The following RIMS2 variants were observed in gnomAD, a reference collection of about 807,000 sequenced individuals.
The protein encoded by RIMS2 is regulating synaptic membrane exocytosis 2.
In RIMS2, 59 loss-of-function variants were observed where a neutral mutation model predicts 174.4. That is an observed-to-expected ratio of 0.34 (90% CI 0.27 to 0.42). The LOEUF is 0.42. RIMS2 is among the 10% of genes least tolerant of loss of function. RIMS2 has a pLI of 1.00. For missense variants in RIMS2, 1,620 were observed against 1,666.3 expected (o/e 0.97, Z 0.48); for synonymous variants, 606 against 572.5 (o/e 1.06, Z -0.84).
intron 19 of RIMS2, among the ~76,000 whole-genome samples, chr8:104,022,596 G>T (rs1420518973): frequency 1.3e-5 from 2 of 151,958 alleles, no homozygotes; most frequent in Admixed American, 6.6e-5. Flanking sequence ...GGCCAGGCTG[G>T]TCTCAAACTC....
intron 19 of RIMS2, among the ~76,000 whole-genome samples, chr8:104,191,116 C>T (rs768147614): frequency 2.6e-5 from 4 of 151,894 alleles, no homozygotes; most frequent in Non-Finnish European, 4.4e-5. Flanking sequence ...GATCTAGTTT[C>T]TCTTATTTCC....
intron 19 of RIMS2, among the ~76,000 whole-genome samples, chr8:104,166,052 T>G (rs944701359): frequency 7.0e-6 from 1 of 143,334 alleles, no homozygotes; most frequent in Non-Finnish European, 1.5e-5. Flanking sequence ...AGTGGTATTT[T>G]GGATTTCTTT....
At chr8:103,858,732 T>C (rs1444929570) in intron 3 of RIMS2, among the ~76,000 whole-genome samples, 4 of 145,234 alleles carry the variant, frequency 2.8e-5, no homozygotes, top group East Asian at 2.0e-4. Context: ...TACATACCTA[T>C]ACACACACAC....
intron 2 of RIMS2, among the ~76,000 whole-genome samples, chr8:103,727,365 T>C (rs2097538815): frequency 6.6e-6 from 1 of 152,216 alleles, no homozygotes; most frequent in African/African-American, 2.4e-5. Context: ...TTGTTATATT[T>C]CAAATTTTAC....
At chr8:104,001,099 T>C (rs1043974742) in intron 17 of RIMS2, among the ~76,000 whole-genome samples, 1 of 151,874 alleles carries the variant, frequency 6.6e-6, no homozygotes, top group Non-Finnish European at 1.5e-5. Flanking sequence ...TTTGCTTTGG[T>C]TGCCTGTGTT....
chr8:103,564,291 A>C (rs754415110), intron 1 of RIMS2, among the ~76,000 whole-genome samples: 21 of 152,234 alleles, frequency 1.4e-4, no homozygotes, highest in Non-Finnish European at 1.9e-4. Context: ...GTCTTCTTCA[A>C]AGTAGTCACT....
In RIMS2 at chr8:103,501,081, A is replaced by G. The variant is rs751761589; in HGVS notation, c.176+19A>G. Reference sequence around the variant, plus strand: ...TGCTCAAGTAAGGACCTGGCTCCATATTCCCGCCTCTCTCCCTGCCCTCCG... The same window carrying G: ...TGCTCAAGTAAGGACCTGGCTCCATGTTCCCGCCTCTCTCCCTGCCCTCCG... On this transcript the variant is annotated intron_variant, in intron 1 of 23. Transcript: ENST00000504942. 3 of 1,514,010 alleles carry G rather than the reference A, an allele frequency of 2.0e-6. No individual in the cohort carries two copies. Among genetic ancestry groups the G allele is most frequent in the Non-Finnish European group, 2.7e-6 (3 of 1,126,046 alleles). The allele number at this position is 1,514,010 out of a possible 1,614,324, so 93.8% of individuals were successfully genotyped here.
At chr8:103,551,452 AAAT>A (rs1468292495) in intron 1 of RIMS2, among the ~76,000 whole-genome samples, 1 of 152,176 alleles carries the variant, frequency 6.6e-6, no homozygotes, top group Admixed American at 6.5e-5. Context: ...ATGTATCTCA[AAAT>A]AATAAGAGCT....
chr8:104,251,643 T>C, exon 24 of RIMS2: 1 of 1,611,374 alleles, frequency 6.2e-7, no homozygotes, highest in Non-Finnish European at 8.5e-7. Flanking sequence ...ATCACAAATC[T>C]TTTATGGGAG....
intron 2 of RIMS2, among the ~76,000 whole-genome samples, chr8:103,738,759 C>T (rs575994304): frequency 6.6e-6 from 1 of 152,216 alleles, no homozygotes; most frequent in South Asian, 2.1e-4. Flanking sequence ...ATTTATGCAG[C>T]CAACAGACAC....
intron 4 of RIMS2, among the ~76,000 whole-genome samples, chr8:103,904,518 G>A (rs913107834): frequency 1.3e-5 from 2 of 151,860 alleles, no homozygotes; most frequent in African/African-American, 2.4e-5. Context: ...AACCATGAAT[G>A]CATTTTCTAC....
chr8:104,215,672 A>C (rs2099126655), intron 19 of RIMS2, among the ~76,000 whole-genome samples: 1 of 152,198 alleles, frequency 6.6e-6, no homozygotes, highest in African/African-American at 2.4e-5. Context: ...TTCTTTTCTC[A>C]AGTGTTTGAG....
intron 1 of RIMS2, among the ~76,000 whole-genome samples, chr8:103,511,156 C>T (rs1826262035): frequency 6.6e-6 from 1 of 152,012 alleles, no homozygotes; most frequent in African/African-American, 2.4e-5. Flanking sequence ...GTTTGTGTAA[C>T]TGGGTTTTAG....
chr8:103,831,457 G>T (rs1166607275), intron 3 of RIMS2, among the ~76,000 whole-genome samples: 1 of 152,138 alleles, frequency 6.6e-6, no homozygotes, highest in Non-Finnish European at 1.5e-5. Context: ...CTTTCTACTT[G>T]TGTAACTGAA....
At chr8:103,936,573 A>G (rs1390979635) in exon 13 of RIMS2, 1 of 1,588,152 alleles carries the variant, frequency 6.3e-7, no homozygotes, top group Non-Finnish European at 8.6e-7. Flanking sequence ...GAGAAGAACT[A>G]AAACAGTAAA....
At chr8:104,063,279 T>A (rs1566119874) in intron 19 of RIMS2, among the ~76,000 whole-genome samples, 1 of 152,042 alleles carries the variant, frequency 6.6e-6, no homozygotes, top group Non-Finnish European at 1.5e-5. Flanking sequence ...ATCCCACAAG[T>A]TCTTGATATG....
At chr8:103,622,944 A>G (rs1287470479) in intron 1 of RIMS2, among the ~76,000 whole-genome samples, 6 of 152,234 alleles carry the variant, frequency 3.9e-5, no homozygotes, top group Admixed American at 3.3e-4. Flanking sequence ...ATGGCTGTCA[A>G]AGGAACCTGC....
chr8:103,962,037 CT>C (rs1262164328), intron 15 of RIMS2, among the ~76,000 whole-genome samples: 1 of 151,980 alleles, frequency 6.6e-6, no homozygotes, highest in African/African-American at 2.4e-5. Flanking sequence ...CTCATGATTG[CT>C]TTCTTGGAGA....
chr8:103,716,090 G>C (rs546357449), intron 2 of RIMS2, among the ~76,000 whole-genome samples: 11 of 151,504 alleles, frequency 7.3e-5, no homozygotes, highest in Non-Finnish European at 1.5e-4. Context: ...GCTTTTGCTT[G>C]AATTGAATGA....
Sources: gnomAD v4.1 joint callset for allele counts (sites outside exome capture counted in the v4.1 genomes callset) on GRCh38, gnomAD v4.1.1 for gene constraint, MANE v1.5 for transcripts, NCBI Gene and HGNC (gene_info 2026-07-23, HGNC 2026-07-21) for gene names.